Variants in NCAPG observed in about 807,000 individuals in gnomAD.
NCAPG encodes the protein non-SMC condensin I complex subunit G, also known as condensin complex subunit 3.
Under a neutral mutation model 113.1 loss-of-function variants are expected in NCAPG, and 69 were observed. That is an observed-to-expected ratio of 0.61 (90% CI 0.50 to 0.75). The LOEUF is 0.75. NCAPG is among the 30% of genes least tolerant of loss of function. NCAPG has a pLI of 0.00. For missense variants in NCAPG, 1,058 were observed against 1,177.0 expected (o/e 0.90, Z 1.48); for synonymous variants, 370 against 415.8 (o/e 0.89, Z 1.34).
chr4:17,829,859 G>A (rs1721793990), intron 12 of NCAPG, among the ~76,000 whole-genome samples: 1 of 152,146 alleles, frequency 6.6e-6, no homozygotes, highest in Non-Finnish European at 1.5e-5. Flanking sequence ...GAGGAGCATC[G>A]ATTAAGTAAA....
intron 12 of NCAPG, among the ~76,000 whole-genome samples, chr4:17,829,800 A>G (rs1015180763): frequency 1.4e-4 from 21 of 152,366 alleles, no homozygotes; most frequent in African/African-American, 4.8e-4. Flanking sequence ...GGGATGGTAC[A>G]TGGTATACAA....
chr4:17,841,159 C>G (rs778483465), intron 19 of NCAPG: 5 of 151,904 alleles, frequency 3.3e-5, no homozygotes, highest in Non-Finnish European at 7.4e-5. Flanking sequence ...TAAATGCTGA[C>G]TATTAGGGGG....
At chr4:17,838,688 C>G (rs558766041) in intron 16 of NCAPG, among the ~76,000 whole-genome samples, 4 of 152,176 alleles carry the variant, frequency 2.6e-5, no homozygotes, top group African/African-American at 9.6e-5. Context: ...GCTAAGGATC[C>G]TGAATAGGAC....
At chr4:17,833,428 C>G (rs1007148757) in intron 13 of NCAPG, among the ~76,000 whole-genome samples, 2 of 150,766 alleles carry the variant, frequency 1.3e-5, no homozygotes, top group East Asian at 3.9e-4. Flanking sequence ...TATTATGCTC[C>G]AGGCTGGGCA....
At chr4:17,824,077 C>G (rs1721561819) in intron 9 of NCAPG, among the ~76,000 whole-genome samples, 1 of 152,080 alleles carries the variant, frequency 6.6e-6, no homozygotes, top group Non-Finnish European at 1.5e-5. Context: ...TTTTTGAGAG[C>G]TTACTCAAAT....
intron 5 of NCAPG, 105 bp from the exon 6 acceptor site, chr4:17,817,156 C>T: frequency 1.3e-6 from 1 of 775,396 alleles, no homozygotes. Flanking sequence ...TTAACCTCTA[C>T]TATTTCTATT....
At position 17,815,284 on chromosome 4, in the gene NCAPG, A is replaced by G; in HGVS notation, c.701A>G (p.Glu234Gly). 1.3e-6 allele frequency: 2 copies of G among 1,598,474 alleles called. No individual in the cohort carries two copies. Among genetic ancestry groups the G allele is most frequent in the Non-Finnish European group, 1.7e-6 (2 of 1,175,752 alleles). ...VRKLAYQVLA[E>G]KVHMRAMSIA... is the part of the protein sequence containing the mutation. The stretch of plus-strand genomic sequence containing the variant: ...TAAATTATTTTTAAGGTTTTAGCTG[A>G]AAAGGTTCATATGAGAGCTATGTCC... Residue 234 changes from glutamate to glycine, a missense_variant, in exon 5 of 21, where the codon GAA becomes GGA. By Grantham distance (98) the Glu-to-Gly change is moderately conservative (BLOSUM62 -2). Coordinates refer to ENST00000251496, the MANE Select transcript of NCAPG (RefSeq NM_022346.5).
chr4:17,834,371 G>C lies in NCAPG; in HGVS notation c.1957G>C (p.Gly653Arg). 1 of 1,608,334 alleles carries C rather than the reference G, an allele frequency of 6.2e-7. No individual in the cohort carries two copies. Among genetic ancestry groups the C allele is most frequent in the Non-Finnish European group, 8.5e-7 (1 of 1,177,118 alleles). Reference sequence around the variant, plus strand: ...AATCTTTGACCAACTGATGACGTTCGGGATTGAACCATTTAAAACTAAAAA... The same window carrying C: ...AATCTTTGACCAACTGATGACGTTCCGGATTGAACCATTTAAAACTAAAAA... The part of the protein sequence containing the change: ...KAIFDQLMTF[G>R]IEPFKTKKIK... Residue 653 changes from glycine to arginine, a missense_variant, in exon 14 of 21, where the codon GGG becomes CGG. Transcript: ENST00000251496.
chr4:17,817,116 AATAT>A, intron 5 of NCAPG, 141 bp from the exon 6 acceptor site: 1 of 573,482 alleles, frequency 1.7e-6, no homozygotes, highest in Non-Finnish European at 3.0e-6. Context: ...TGTCTCAAAA[AATAT>A]ATATATACAT....
intron 13 of NCAPG, among the ~76,000 whole-genome samples, chr4:17,833,778 A>T (rs145444595): frequency 4.7e-4 from 72 of 152,140 alleles, no homozygotes; most frequent in African/African-American, 1.5e-3. Flanking sequence ...TTGAAAACTG[A>T]GTTTACTGTT....
rs1463254514 is a variant in NCAPG at position 17,811,187 on chromosome 4, C to G, written c.110C>G (p.Thr37Arg). 6.8e-7 allele frequency: 1 copy of G among 1,473,592 alleles called. No homozygotes were observed. The highest frequency in any genetic ancestry group is 2.4e-5 in the Admixed American group (1 of 42,236). The allele number at this position is 1,473,592 out of a possible 1,614,324, so 91.3% of individuals were successfully genotyped here. A position where few individuals can be genotyped will look rare whatever the true frequency, so the allele number is the denominator to read the frequency against. The change falls in exon 1 of 21, where the codon ACG becomes AGG. Residue 37 changes from threonine to arginine, a missense_variant and splice_region_variant. Transcript: ENST00000251496. This position sits in a 1 kb window ranked among gnomAD's most constrained non-coding sequence, Gnocchi z 5.3. ...LVVALSRTYR[T>R]MDDKTVFHEE... ...GTGGCGCTGAGCCGCACCTACCGCA[C>G]GGTAAGCGCTCCCGGCCCCGGCCGC... is the stretch of plus-strand genomic sequence containing the variant.
rs144277915 is a variant in NCAPG, at chr4:17,817,497, T to A, written c.968+44T>A. The A allele has an allele frequency of 2.4e-5, 37 of 1,511,720 alleles. No homozygotes were observed. The African/African-American group carries it at 4.6e-4, about 19-fold the overall frequency. The allele number at this position is 1,511,720 out of a possible 1,614,324, so 93.6% of individuals were successfully genotyped here. On this transcript the variant is annotated intron_variant, in intron 6 of 20. Transcript: ENST00000251496. ...CTTTGAAATGTAGTACTGATTAACT[T>A]GTGCAATTAATTTGTTTTTTTTCCT...
Position 17,843,286 on chromosome 4 carries a change from T to C in NCAPG, c.2925-16T>C. 4 of 1,601,530 alleles carry C rather than the reference T, an allele frequency of 2.5e-6. No homozygotes were observed. Among genetic ancestry groups the C allele is most frequent in the Non-Finnish European group, 3.4e-6 (4 of 1,174,578 alleles). On this transcript the variant is annotated splice_polypyrimidine_tract_variant and intron_variant, in intron 20 of 20. Coordinates refer to ENST00000251496, the MANE Select transcript of NCAPG (RefSeq NM_022346.5). ...AAGCTTGTATCTAAATTCGTGTATT[T>C]TCAACATCTATTTAGTGATCATGAA...
chr4:17,826,717 A>G (rs1371140413), intron 11 of NCAPG, among the ~76,000 whole-genome samples: 1 of 152,236 alleles, frequency 6.6e-6, no homozygotes, highest in Non-Finnish European at 1.5e-5. Context: ...ACAGAGCATA[A>G]TAAATGCTAT....
At position 17,823,595 on chromosome 4, in the gene NCAPG, A is replaced by G. The variant is rs368944775; in HGVS notation, c.1260-52A>G. On this transcript the variant is annotated intron_variant, in intron 8 of 20. Transcript: ENST00000251496. The stretch of plus-strand genomic sequence containing the variant: ...TTTGCAGAGTAGGTGAATGTTAGAG[A>G]TAAAACATGTTTTGTCATAATAATA... The G allele has an allele frequency of 7.9e-6, 12 of 1,523,674 alleles. No individual in the cohort carries two copies. In the African/African-American group the frequency reaches 1.3e-4, roughly 16 times the overall value. 94.4% of individuals were successfully genotyped at this position (1,523,674 alleles called of 1,614,324 possible).
chr4:17,821,796 G>C (rs1397579669), intron 7 of NCAPG, among the ~76,000 whole-genome samples: 2 of 151,754 alleles, frequency 1.3e-5, no homozygotes, highest in Non-Finnish European at 2.9e-5. Context: ...TGACATTTTT[G>C]ATCAGGATTG....
At chr4:17,828,925 C>CT (rs1307144737) in intron 12 of NCAPG, among the ~76,000 whole-genome samples, 1 of 147,506 alleles carries the variant, frequency 6.8e-6, no homozygotes, top group African/African-American at 2.5e-5. Flanking sequence ...AAAAAAGTGG[C>CT]TTTTTTTTAA....
chr4:17,815,412 T>C, intron 5 of NCAPG, 54 bp downstream of exon 5: 1 of 1,310,200 alleles, frequency 7.6e-7, no homozygotes, highest in South Asian at 1.3e-5. Flanking sequence ...GAGGTCAGAC[T>C]TAACAAGGTT....
At chr4:17,836,839 A>G (rs1722116939) in intron 14 of NCAPG, among the ~76,000 whole-genome samples, 1 of 151,840 alleles carries the variant, frequency 6.6e-6, no homozygotes, top group African/African-American at 2.4e-5. Flanking sequence ...TGTCTTAGAA[A>G]CCCTAAGCAT....
Sources: allele counts gnomAD v4.1 joint callset (sites outside exome capture counted in the v4.1 genomes callset), GRCh38; gene constraint gnomAD v4.1.1; non-coding constraint Gnocchi (gnomAD v3.1); transcripts MANE v1.5; gene names NCBI Gene and HGNC (gene_info 2026-07-23, HGNC 2026-07-21).